KSR2: variants seen among roughly 807,000 people sequenced by gnomAD.
The protein encoded by KSR2 is kinase suppressor of ras 2.
In KSR2, 25 loss-of-function variants were observed where a neutral mutation model predicts 107.8. The observed-to-expected ratio is 0.23, with a 90% CI of 0.17 to 0.32. The LOEUF is 0.32. Among genes scored for constraint, KSR2 ranks in the 10% least tolerant of loss-of-function variants. The probability of loss-of-function intolerance (pLI) is 1.00; values close to 1 mark genes in which losing one functional copy is unlikely to be tolerated. For synonymous variants in KSR2, 480 were observed against 507.0 expected, an observed-to-expected ratio of 0.95 and a Z score of 0.71; for missense variants, 887 against 1,268.9, an observed-to-expected ratio of 0.70 and a Z score of 4.57.
chr12:117,845,562 G>C (rs1437858771), intron 3 of KSR2, among the ~76,000 whole-genome samples: 1 of 152,132 alleles, frequency 6.6e-6, no homozygotes, highest in Non-Finnish European at 1.5e-5. Context: ...TTCTGTTGCT[G>C]TGATTAAAGT....
At chr12:117,563,761 T>G (rs936435760) in intron 7 of KSR2, among the ~76,000 whole-genome samples, 1 of 152,084 alleles carries the variant, frequency 6.6e-6, no homozygotes, top group Non-Finnish European at 1.5e-5. Context: ...GGGCGTTGGT[T>G]GATGGATATT....
chr12:117,597,412 T>C (rs1176835844), intron 5 of KSR2, among the ~76,000 whole-genome samples: 1 of 152,158 alleles, frequency 6.6e-6, no homozygotes, highest in Non-Finnish European at 1.5e-5. Flanking sequence ...TCCTCCTGGA[T>C]TATCCAGGTG....
Position 117,967,970 on chromosome 12 carries a change from A to G in KSR2, c.180+106T>C, listed in dbSNP as rs532289875. The stretch of plus-strand genomic sequence containing the variant: ...CCCACACCACCACCCCCAGCCCCCA[A>G]TAAACAGAATCAGAGGGAAAGGGGA... On this transcript the variant is annotated intron_variant, in intron 1 of 19. Coordinates refer to ENST00000339824, the MANE Select transcript of KSR2 (RefSeq NM_173598.6). 77 of 1,069,632 alleles carry G rather than the reference A, an allele frequency of 7.2e-5. No homozygotes were observed. The Middle Eastern group carries it at 2.5e-3, about 34-fold the overall frequency. 66.3% of individuals were successfully genotyped at this position (1,069,632 alleles called of 1,614,324 possible).
intron 1 of KSR2, among the ~76,000 whole-genome samples, chr12:117,951,929 A>G (rs1896374928): frequency 1.3e-5 from 2 of 152,190 alleles, no homozygotes; most frequent in African/African-American, 4.8e-5. Context: ...CAAATACAGT[A>G]TGATTTTGTA....
intron 3 of KSR2, among the ~76,000 whole-genome samples, chr12:117,850,692 C>T (rs764831471): frequency 2.0e-5 from 3 of 151,972 alleles, no homozygotes; most frequent in Non-Finnish European, 4.4e-5. Flanking sequence ...CGCCTGTAGT[C>T]CTAGCTACCC....
chr12:117,867,653 A>G (rs1408511428), intron 1 of KSR2, among the ~76,000 whole-genome samples: 1 of 152,210 alleles, frequency 6.6e-6, no homozygotes, highest in Non-Finnish European at 1.5e-5. Flanking sequence ...AAGAGACTAC[A>G]TGGTGCAGAG....
chr12:117,702,455 C>T (rs567447421), intron 4 of KSR2, among the ~76,000 whole-genome samples: 1 of 152,120 alleles, frequency 6.6e-6, no homozygotes, highest in Non-Finnish European at 1.5e-5. Flanking sequence ...ATTTAGTGAA[C>T]CTCAAAAATT....
At chr12:117,840,999 C>CA (rs11452478) in intron 3 of KSR2, among the ~76,000 whole-genome samples, 69,993 of 140,460 alleles carry the variant, frequency 0.5, 18,338 homozygotes, top group Admixed American at 0.66. Context: ...GATTCTGTCT[C>CA]AAAAAAAAAA....
At position 117,465,509 on chromosome 12, in the gene KSR2, C is replaced by G. The variant is rs906847958; in HGVS notation, c.*1690G>C. ...GCATGACTGATCTCACCATTCTTCC[C>G]GGTTTGGAAGCAGGTTTGGCCCCCA... On this transcript the variant is annotated 3_prime_UTR_variant, in exon 20 of 20. Coordinates refer to ENST00000339824, the MANE Select transcript of KSR2 (RefSeq NM_173598.6). The G allele has an allele frequency of 3.9e-5, 6 of 152,264 alleles. No homozygotes were observed. In the South Asian group the frequency reaches 1.2e-3, roughly 32 times the overall value. 9.4% of individuals were successfully genotyped at this position (152,264 alleles called of 1,614,324 possible). A position where few individuals can be genotyped will look rare whatever the true frequency, so the allele number is the denominator to read the frequency against.
intron 1 of KSR2, among the ~76,000 whole-genome samples, chr12:117,874,197 G>C (rs1893752471): frequency 6.6e-6 from 1 of 152,014 alleles, no homozygotes; most frequent in African/African-American, 2.4e-5. Flanking sequence ...ATGGTTCCTT[G>C]AGTATCATGA....
chr12:117,656,624 C>T (rs1446693609), intron 5 of KSR2, among the ~76,000 whole-genome samples: 2 of 152,210 alleles, frequency 1.3e-5, no homozygotes, highest in African/African-American at 4.8e-5. Context: ...AAAAAATTAA[C>T]GTTTGAGTCA....
Position 117,582,313 on chromosome 12 carries a change from A to G in KSR2, c.1218T>C (p.Asp406=), listed in dbSNP as rs143431986. 1,087 of 1,613,848 alleles carry G rather than the reference A, an allele frequency of 6.7e-4. 7 individuals carry two copies. In the African/African-American group the frequency reaches 0.011, roughly 16 times the overall value. The change falls in exon 6 of 20, where the codon GAT becomes GAC. Residue 406 remains aspartate, a synonymous_variant. Transcript: ENST00000339824. Reference sequence around the variant, plus strand: ...ACCTGTGCTTGATGGAGTTGCCGAGATCTCTGCGAGGGATCTGCGGGGACC... The same window carrying G: ...ACCTGTGCTTGATGGAGTTGCCGAGGTCTCTGCGAGGGATCTGCGGGGACC... ...PRWSPQIPRR[D]LGNSIKHRFS...
At chr12:117,950,271 G>C (rs116789469) in intron 1 of KSR2, among the ~76,000 whole-genome samples, 1,697 of 152,242 alleles carry the variant, frequency 0.011, 37 homozygotes, top group African/African-American at 0.039. Flanking sequence ...ACTGCGCCTG[G>C]CCTGCAATTT....
intron 14 of KSR2, among the ~76,000 whole-genome samples, chr12:117,509,138 T>C (rs570826591): frequency 6.6e-6 from 1 of 152,236 alleles, no homozygotes; most frequent in African/African-American, 2.4e-5. Context: ...AGGTACATGG[T>C]CCAGCTAAAG....
chr12:117,778,511 A>G (rs1422433444), intron 3 of KSR2, among the ~76,000 whole-genome samples: 10 of 152,246 alleles, frequency 6.6e-5, no homozygotes, highest in African/African-American at 2.2e-4. Flanking sequence ...TCAAAATTCT[A>G]TTCATGCATA....
chr12:117,463,430 G>A lies in KSR2; in HGVS notation c.*3769C>T, dbSNP rs1320919255. 6.6e-6 allele frequency: 1 copy of A among 152,198 alleles called. No individual in the cohort carries two copies. The highest frequency in any genetic ancestry group is 1.5e-5 in the Non-Finnish European group (1 of 68,052). The allele number at this position is 152,198 out of a possible 1,614,324, so 9.4% of individuals were successfully genotyped here. ...AGCAAAGTTAGGAAAGGGCCAGATT[G>A]TAAAAGTTTTTGACTGTGTGGGCCA... On this transcript the variant is annotated 3_prime_UTR_variant, in exon 20 of 20. Coordinates refer to ENST00000339824, the MANE Select transcript of KSR2 (RefSeq NM_173598.6).
chr12:117,583,690 C>T (rs1366174487), intron 5 of KSR2, among the ~76,000 whole-genome samples: 1 of 152,156 alleles, frequency 6.6e-6, no homozygotes, highest in Non-Finnish European at 1.5e-5. Flanking sequence ...CCACCTCCGC[C>T]CTACTGCCCA....
chr12:117,635,626 A>C (rs978762411), intron 5 of KSR2, among the ~76,000 whole-genome samples: 3 of 152,190 alleles, frequency 2.0e-5, no homozygotes, highest in Non-Finnish European at 1.5e-5. Flanking sequence ...TAATGAGATA[A>C]ATATTTTTAA....
chr12:117,823,387 C>T (rs186743520), intron 3 of KSR2, among the ~76,000 whole-genome samples: 2 of 152,176 alleles, frequency 1.3e-5, no homozygotes, highest in Admixed American at 1.3e-4. Flanking sequence ...GAGAACTAGG[C>T]AGATTTGAGA....
Sources: gnomAD v4.1 joint callset for allele counts (sites outside exome capture counted in the v4.1 genomes callset) on GRCh38, gnomAD v4.1.1 for gene constraint, MANE v1.5 for transcripts, NCBI Gene and HGNC (gene_info 2026-07-23, HGNC 2026-07-21) for gene names.